TNNI3K: variants seen among roughly 807,000 people sequenced by gnomAD.
The protein encoded by TNNI3K is TNNI3 interacting kinase, also known as serine/threonine-protein kinase TNNI3K.
A neutral mutation model predicts 114.5 loss-of-function variants in TNNI3K; 140 were observed. The observed-to-expected ratio is 1.22, with a 90% CI of 1.07 to 1.41. TNNI3K has a LOEUF of 1.41. TNNI3K is among the 40% of genes most tolerant of loss of function. TNNI3K has a pLI of 0.00. For missense variants in TNNI3K, 1,125 were observed against 1,007.6 expected (o/e 1.12, Z -1.58); for synonymous variants, 347 against 347.5 (o/e 1.00, Z 0.02).
chr1:74,345,518 T>A (rs2100451819), intron 9 of TNNI3K, among the ~76,000 whole-genome samples: 1 of 152,270 alleles, frequency 6.6e-6, no homozygotes, highest in Non-Finnish European at 1.5e-5. Context: ...GAATGATATT[T>A]CATGAAAGAA....
At chr1:74,366,900 C>G (rs1426765137) in intron 11 of TNNI3K, among the ~76,000 whole-genome samples, 1 of 151,914 alleles carries the variant, frequency 6.6e-6, no homozygotes, top group Non-Finnish European at 1.5e-5. Flanking sequence ...TAATAGTGCC[C>G]TTATTATATA....
At chr1:74,283,241 C>T (rs950177327) in intron 5 of TNNI3K, among the ~76,000 whole-genome samples, 6 of 152,144 alleles carry the variant, frequency 3.9e-5, no homozygotes, top group African/African-American at 1.4e-4. Flanking sequence ...AAACTCTATA[C>T]CCCATTACTG....
At chr1:74,249,136 G>A (rs557536644) in intron 2 of TNNI3K, among the ~76,000 whole-genome samples, 27 of 151,404 alleles carry the variant, frequency 1.8e-4, no homozygotes, top group African/African-American at 5.3e-4. Flanking sequence ...CCTAGATGAT[G>A]TCTGACCTTG....
chr1:74,343,047 A>C, intron 8 of TNNI3K, 28 bp from the exon 9 acceptor site: 1 of 1,613,168 alleles, frequency 6.2e-7, no homozygotes, highest in Non-Finnish European at 8.5e-7. Flanking sequence ...TGCTTACAAT[A>C]TTAACAAGAT....
chr1:74,527,487 A>G (rs1474374885), intron 23 of TNNI3K, among the ~76,000 whole-genome samples: 1 of 152,234 alleles, frequency 6.6e-6, no homozygotes, highest in Non-Finnish European at 1.5e-5. Flanking sequence ...TGCATTCAGC[A>G]GAGCTAAAAA....
At chr1:74,465,953 C>T (rs1214588563) in intron 21 of TNNI3K, among the ~76,000 whole-genome samples, 2 of 152,186 alleles carry the variant, frequency 1.3e-5, no homozygotes, top group African/African-American at 2.4e-5. Context: ...CTCTGGTCAT[C>T]TTCTGTATTG....
intron 5 of TNNI3K, among the ~76,000 whole-genome samples, chr1:74,275,470 A>G (rs998399752): frequency 3.3e-5 from 5 of 152,076 alleles, no homozygotes; most frequent in Non-Finnish European, 4.4e-5. Flanking sequence ...ACAATTCAAG[A>G]TGATATTTGG....
At chr1:74,515,762 A>T (rs1230088847) in intron 23 of TNNI3K, among the ~76,000 whole-genome samples, 1 of 152,222 alleles carries the variant, frequency 6.6e-6, no homozygotes, top group Non-Finnish European at 1.5e-5. Flanking sequence ...TAGGTCAAAA[A>T]ATAAGTATGA....
At chr1:74,353,073 T>A (rs1000992651) in intron 9 of TNNI3K, among the ~76,000 whole-genome samples, 193 bp from the exon 10 acceptor site, 1 of 152,190 alleles carries the variant, frequency 6.6e-6, no homozygotes, top group Admixed American at 6.5e-5. Flanking sequence ...ACTGGAGCTG[T>A]TCCTATTCGG....
intron 17 of TNNI3K, among the ~76,000 whole-genome samples, chr1:74,433,057 C>A (rs1665968938): frequency 6.6e-6 from 1 of 151,768 alleles, no homozygotes; most frequent in South Asian, 2.1e-4. Flanking sequence ...AATTTTACTC[C>A]CTTCTCTCTG....
At chr1:74,318,154 G>A (rs909058316) in intron 5 of TNNI3K, among the ~76,000 whole-genome samples, 10 of 152,134 alleles carry the variant, frequency 6.6e-5, no homozygotes, top group Non-Finnish European at 1.5e-4. Flanking sequence ...TTCATTGCCT[G>A]ATGTCCAATT....
intron 4 of TNNI3K, among the ~76,000 whole-genome samples, chr1:74,261,817 T>C (rs1480068878): frequency 6.6e-6 from 1 of 152,146 alleles, no homozygotes; most frequent in Non-Finnish European, 1.5e-5. Flanking sequence ...GTAATGGTCA[T>C]TTATCCCATC....
At chr1:74,499,116 T>G (rs368219994) in intron 23 of TNNI3K, among the ~76,000 whole-genome samples, 2 of 152,192 alleles carry the variant, frequency 1.3e-5, no homozygotes, top group East Asian at 3.8e-4. Flanking sequence ...GCGTGCACAC[T>G]GGGTTACAAG....
At chr1:74,404,968 T>C (rs544103011) in intron 17 of TNNI3K, among the ~76,000 whole-genome samples, 1 of 152,286 alleles carries the variant, frequency 6.6e-6, no homozygotes, top group Admixed American at 6.5e-5. Flanking sequence ...GTTGACTATA[T>C]AAGATTTAAA....
intron 5 of TNNI3K, among the ~76,000 whole-genome samples, chr1:74,288,376 A>G (rs934860156): frequency 6.6e-6 from 1 of 152,132 alleles, no homozygotes; most frequent in Non-Finnish European, 1.5e-5. Context: ...CTATTTATGA[A>G]TGGATAAAGA....
chr1:74,433,574 T>G (rs671149), intron 17 of TNNI3K, among the ~76,000 whole-genome samples: 2,722 of 152,234 alleles, frequency 0.018, 55 homozygotes, highest in East Asian at 0.06. Context: ...GTTGCTCTCA[T>G]TCTGCAAAGT....
Position 74,451,946 on chromosome 1 carries a change from G to A in TNNI3K, c.2012-11495G>A, listed in dbSNP as rs370120044. On this transcript the variant is annotated intron_variant, in intron 20 of 24. Coordinates refer to ENST00000326637, the MANE Select transcript of TNNI3K (RefSeq NM_015978.3). ...AATTGTTTTTGACTGTTCTTTCTTG[G>A]TTTATTTTTGTTTTCTTTTCCTCTC... Among the ~76,000 whole-genome samples, 6 of 151,500 alleles carry A rather than the reference G, an allele frequency of 4.0e-5. No individual in the cohort carries two copies. The East Asian group carries it at 9.7e-4, about 24-fold the overall frequency.
At chr1:74,372,449 G>A (rs940439649) in intron 17 of TNNI3K, 1 of 151,738 alleles carries the variant, frequency 6.6e-6, no homozygotes, top group Non-Finnish European at 1.5e-5. Context: ...GAAAGTAAAT[G>A]TAAATAAGTC....
At chr1:74,408,196 C>T (rs1376539114) in intron 17 of TNNI3K, among the ~76,000 whole-genome samples, 2 of 152,126 alleles carry the variant, frequency 1.3e-5, no homozygotes, top group Non-Finnish European at 2.9e-5. Context: ...AAATACAGTG[C>T]ATGGGTAGGA....
Sources: allele counts gnomAD v4.1 joint callset (sites outside exome capture counted in the v4.1 genomes callset), GRCh38; gene constraint gnomAD v4.1.1; transcripts MANE v1.5; gene names NCBI Gene and HGNC (gene_info 2026-07-23, HGNC 2026-07-21).